PARVA: variants seen among roughly 807,000 people sequenced by gnomAD.
PARVA encodes parvin alpha, also known as alpha-parvin.
In PARVA, 25 loss-of-function variants were observed where a neutral mutation model predicts 52.6. The ratio of observed to expected loss-of-function variants is 0.48; its 90% CI spans 0.35 to 0.66. The LOEUF is 0.66. Ranked by LOEUF, PARVA falls within the 30% of genes least tolerant of loss-of-function variation. The probability of loss-of-function intolerance (pLI) is 0.01; values close to 1 mark genes in which losing one functional copy is unlikely to be tolerated. For synonymous variants in PARVA, 185 were observed against 179.1 expected, an observed-to-expected ratio of 1.03 and a Z score of -0.26; for missense variants, 373 against 450.9, an observed-to-expected ratio of 0.83 and a Z score of 1.56.
At chr11:12,490,498 T>C (rs962620386) in intron 4 of PARVA, among the ~76,000 whole-genome samples, 8 of 136,974 alleles carry the variant, frequency 5.8e-5, no homozygotes, top group Non-Finnish European at 1.2e-4. Flanking sequence ...GCCTGGGTGA[T>C]AGAGTAAGAC....
At chr11:12,473,443 C>A (rs909368969) in intron 1 of PARVA, among the ~76,000 whole-genome samples, 3 of 152,074 alleles carry the variant, frequency 2.0e-5, no homozygotes, top group Non-Finnish European at 2.9e-5. Flanking sequence ...AAGTCAGTGC[C>A]CACCTCGCTT....
chr11:12,496,077 TG>T lies in PARVA; in HGVS notation c.401-380del, dbSNP rs200033709. Among the ~76,000 whole-genome samples the T allele has an allele frequency of 6.9e-3, 1,052 of 152,330 alleles. 9 individuals are homozygous for T. The highest frequency in any genetic ancestry group is 0.02 in the Middle Eastern group (6 of 294). ...ACCTGACCAGACTGTACTACAGGAA[TG>T]TACAAAATGCCTTGACTAACTCTAC... On this transcript the variant is annotated intron_variant, in intron 4 of 12. Transcript: ENST00000334956.
chr11:12,442,086 G>A (rs1940474350), intron 1 of PARVA, among the ~76,000 whole-genome samples: 1 of 152,198 alleles, frequency 6.6e-6, no homozygotes, highest in Admixed American at 6.5e-5. Flanking sequence ...CTTGATGCGT[G>A]GACCAGTTCA....
chr11:12,402,124 G>A (rs1939836835), intron 1 of PARVA, among the ~76,000 whole-genome samples: 1 of 152,308 alleles, frequency 6.6e-6, no homozygotes, highest in Middle Eastern at 3.4e-3. Flanking sequence ...CATTTACAAA[G>A]AGTGGGTTTG....
Position 12,377,786 on chromosome 11 carries a change from G to C in PARVA, c.136+3G>C. 8.0e-6 allele frequency: 12 copies of C among 1,496,376 alleles called. No homozygotes were observed. Among genetic ancestry groups the C allele is most frequent in the Non-Finnish European group, 9.8e-6 (11 of 1,125,370 alleles). 92.7% of individuals were successfully genotyped at this position (1,496,376 alleles called of 1,614,324 possible). ...CCGGAGGAAGAAAGCCAAGGAGGGT[G>C]AGTGCGGCCAGGCCGGCCGGGCGGG... is the stretch of plus-strand genomic sequence containing the variant. On this transcript the variant is annotated splice_donor_region_variant and intron_variant, in intron 1 of 12. Transcript: ENST00000334956.
chr11:12,431,205 G>C (rs1157991902), intron 1 of PARVA, among the ~76,000 whole-genome samples: 1 of 152,176 alleles, frequency 6.6e-6, no homozygotes, highest in African/African-American at 2.4e-5. Flanking sequence ...GTCCCCACTG[G>C]GGCCTGCCAG....
At chr11:12,404,654 A>T (rs1386967647) in intron 1 of PARVA, among the ~76,000 whole-genome samples, 2 of 152,224 alleles carry the variant, frequency 1.3e-5, no homozygotes, top group South Asian at 4.1e-4. Context: ...AGACTGAAAG[A>T]AAGTGCTGAA....
chr11:12,377,411 C>G (rs1939407071), upstream of PARVA: 2 of 1,369,434 alleles, frequency 1.5e-6, no homozygotes, highest in Non-Finnish European at 1.9e-6. Flanking sequence ...CTTGGGGCAA[C>G]CCAGGGGCGC....
At position 12,504,314 on chromosome 11, in the gene PARVA, C is replaced by G. The variant is rs1398469057; in HGVS notation, c.542C>G (p.Ser181Cys). 1.3e-6 allele frequency: 2 copies of G among 1,578,634 alleles called. No homozygotes were observed. The highest frequency in any genetic ancestry group is 2.2e-5 in the East Asian group (1 of 44,684). The change falls in exon 6 of 13, where the codon TCT becomes TGT. Residue 181 changes from serine (S) to cysteine (C), a missense_variant and splice_region_variant. Physicochemically the swap from Ser to Cys is moderately radical, Grantham distance 112 (BLOSUM62 -1). Coordinates refer to ENST00000334956, the MANE Select transcript of PARVA (RefSeq NM_018222.5). ...ATTTTTCAATCTTCTTTCATTTCAG[C>G]TGTTCATGCCAAGAGCCTGGTGGCC... ...PPRSIKWNVD[S>C]VHAKSLVAIL...
chr11:12,440,730 A>G (rs1484134741), intron 1 of PARVA, among the ~76,000 whole-genome samples: 1 of 152,210 alleles, frequency 6.6e-6, no homozygotes, highest in Non-Finnish European at 1.5e-5. Flanking sequence ...GGCCTTGGCC[A>G]GGGACTGTTC....
intron 9 of PARVA, 172 bp downstream of exon 9, chr11:12,513,532 A>G: frequency 1.4e-6 from 1 of 730,976 alleles, no homozygotes; most frequent in Non-Finnish European, 2.5e-6. Flanking sequence ...TCCTCACTGG[A>G]TGTTGCACCT....
At chr11:12,518,121 G>A (rs1248591783) in intron 11 of PARVA, among the ~76,000 whole-genome samples, 1 of 152,058 alleles carries the variant, frequency 6.6e-6, no homozygotes, top group Non-Finnish European at 1.5e-5. Context: ...AGCCTGCTCT[G>A]CCTGTTGAAC....
At chr11:12,520,667 T>C (rs1941625442) in intron 12 of PARVA, among the ~76,000 whole-genome samples, 1 of 152,148 alleles carries the variant, frequency 6.6e-6, no homozygotes. Flanking sequence ...GTCGAAATAA[T>C]GGCCAGGCAT....
intron 1 of PARVA, among the ~76,000 whole-genome samples, chr11:12,456,796 G>A (rs1407725178): frequency 6.6e-6 from 1 of 151,850 alleles, no homozygotes; most frequent in African/African-American, 2.4e-5. Context: ...ATATCCCCAG[G>A]CTCCCATAGA....
chr11:12,419,488 G>T (rs1222313893), intron 1 of PARVA, among the ~76,000 whole-genome samples: 1 of 152,142 alleles, frequency 6.6e-6, no homozygotes, highest in Non-Finnish European at 1.5e-5. Flanking sequence ...CATTGTATGT[G>T]TATACCACAT....
intron 4 of PARVA, among the ~76,000 whole-genome samples, chr11:12,485,136 C>T (rs1386564268): frequency 6.6e-6 from 1 of 152,054 alleles, no homozygotes; most frequent in Non-Finnish European, 1.5e-5. Context: ...TTGAATGGGG[C>T]CTTACAGAAA....
chr11:12,457,473 C>T (rs547592893), intron 1 of PARVA, among the ~76,000 whole-genome samples: 2 of 152,294 alleles, frequency 1.3e-5, no homozygotes, highest in South Asian at 2.1e-4. Flanking sequence ...TGTCCTGAAC[C>T]CCTCCTCTCA....
chr11:12,513,677 A>G (rs1941531762), intron 9 of PARVA: 1 of 589,222 alleles, frequency 1.7e-6, no homozygotes, highest in Admixed American at 2.8e-5. Context: ...AAGGGACAGG[A>G]AGGAGAGATC....
chr11:12,427,947 G>A (rs1368244563), intron 1 of PARVA, among the ~76,000 whole-genome samples: 2 of 152,196 alleles, frequency 1.3e-5, no homozygotes, highest in Non-Finnish European at 2.9e-5. Flanking sequence ...GCGGAAAAGG[G>A]CAGCAGAACC....
Sources: allele counts gnomAD v4.1 joint callset (sites outside exome capture counted in the v4.1 genomes callset), GRCh38; gene constraint gnomAD v4.1.1; transcripts MANE v1.5; gene names NCBI Gene and HGNC (gene_info 2026-07-23, HGNC 2026-07-21).